The following STKLD1 variants were observed in gnomAD, a reference collection of about 807,000 sequenced individuals.
STKLD1 encodes the protein serine/threonine kinase-like domain-containing protein STKLD1.
In STKLD1, 79 loss-of-function variants were observed where a neutral mutation model predicts 80.4. The observed-to-expected ratio is 0.98, with a 90% CI of 0.82 to 1.19. The LOEUF (loss-of-function observed/expected upper bound fraction) is 1.19. Ranked by LOEUF, STKLD1 falls within the 50% of genes most tolerant of loss-of-function variation. The probability of loss-of-function intolerance (pLI) is 0.00; values close to 1 mark genes in which losing one functional copy is unlikely to be tolerated. For synonymous variants in STKLD1, 393 were observed against 357.6 expected (o/e 1.10, Z -1.12); for missense variants, 841 against 856.0 (o/e 0.98, Z 0.22).
chr9:133,392,252 A>AT (rs1033302122), intron 7 of STKLD1, among the ~76,000 whole-genome samples: 23 of 151,012 alleles, frequency 1.5e-4, no homozygotes, highest in South Asian at 2.1e-4. Context: ...AATTTTTTGT[A>AT]TTTTTTTTAG....
Position 133,379,082 on chromosome 9 carries a change from T to C in STKLD1, c.134T>C (p.Val45Ala). Residue 45 changes from valine to alanine, a missense_variant, in exon 2 of 18, where the codon GTG (valine) becomes GCG (alanine). Physicochemically the swap from Val to Ala is moderately conservative, Grantham distance 64 (BLOSUM62 0). Transcript: ENST00000371957. ...NPGALGVNLV[V>A]EEMETKVKHV... ...GGGGCCTTGGGGGTGAACCTGGTGGTGGAGGAAATGGAAACCAAAGTCAAG... is the reference window on the plus strand; with the variant it reads ...GGGGCCTTGGGGGTGAACCTGGTGGCGGAGGAAATGGAAACCAAAGTCAAG... 1 of 1,613,912 alleles carries C rather than the reference T, an allele frequency of 6.2e-7. No homozygotes were observed. The highest frequency in any genetic ancestry group is 8.5e-7 in the Non-Finnish European group (1 of 1,179,898).
intron 11 of STKLD1, among the ~76,000 whole-genome samples, chr9:133,398,934 C>A (rs1354197273): frequency 6.6e-6 from 1 of 152,148 alleles, no homozygotes; most frequent in African/African-American, 2.4e-5. Flanking sequence ...CTCACTGCAA[C>A]CTCCGCCTCC....
chr9:133,396,507 A>C (rs1293279115), intron 9 of STKLD1, among the ~76,000 whole-genome samples: 2 of 152,154 alleles, frequency 1.3e-5, no homozygotes, highest in Non-Finnish European at 2.9e-5. Context: ...TAATCCCAGC[A>C]GTTTGGGAGG....
At position 133,405,364 on chromosome 9, in the gene STKLD1, C is replaced by T. The variant is rs1564387380; in HGVS notation, c.1986C>T (p.Gly662=). The change falls in exon 18 of 18, where the codon GGC becomes GGT. Residue 662 remains glycine (G), a synonymous_variant. Transcript: ENST00000371957. ...VSDSSAFSKP[G]LPPGGSPQLG... Reference sequence around the variant, plus strand: ...ACAGCAGCGCCTTCAGCAAACCAGGCCTCCCTCCAGGTGGAAGCCCCCAGC... The same window carrying T: ...ACAGCAGCGCCTTCAGCAAACCAGGTCTCCCTCCAGGTGGAAGCCCCCAGC... 5.0e-6 allele frequency: 8 copies of T among 1,612,484 alleles called. No individual in the cohort carries two copies. The highest frequency in any genetic ancestry group is 1.7e-4 in the Middle Eastern group (1 of 6,016).
intron 16 of STKLD1, among the ~76,000 whole-genome samples, chr9:133,404,582 G>C (rs781890295): frequency 8.5e-4 from 130 of 152,254 alleles, no homozygotes; most frequent in Non-Finnish European, 1.3e-3. Context: ...TTTGGCTCTG[G>C]GGGGGCTGCC....
rs1838519335 is a variant in STKLD1 at position 133,394,915 on chromosome 9, G to A, written c.702+506G>A. ...ATGGCCACAGCCTGTGGGCAGGAAG[G>A]AGGGGAGGCAGAGGGCCCCACTGGC... On this transcript the variant is annotated intron_variant, in intron 8 of 17. Transcript: ENST00000371957. The surrounding 1 kb of genome is among the most constrained non-coding windows in gnomAD (Gnocchi z 4.9). 1 of 158,340 alleles carries A rather than the reference G, an allele frequency of 6.3e-6. No individual in the cohort carries two copies. Among genetic ancestry groups the A allele is most frequent in the Non-Finnish European group, 1.4e-5 (1 of 71,640 alleles). 9.8% of individuals were successfully genotyped at this position (158,340 alleles called of 1,614,324 possible).
Position 133,402,994 on chromosome 9 carries a change from TGGGCCCTCCTGCTGGACGGTGAG to T in STKLD1, c.1467_1474+15del, listed in dbSNP as rs781970598. On this transcript the variant is annotated splice_donor_variant and splice_donor_5th_base_variant and coding_sequence_variant and intron_variant, in exon 14 of 18. Coordinates refer to ENST00000371957, the MANE Select transcript of STKLD1 (RefSeq NM_153710.5). LOFTEE classifies it high-confidence loss of function. ...CTGCGCCAGCGGCCTGGGCCTGCTC[TGGGCCCTCCTGCTGGACGGTGAG>T]GGGCCCTCCTCCTGCTGTCCCACCG... 179 of 1,572,364 alleles carry T rather than the reference TGGGCCCTCCTGCTGGACGGTGAG, an allele frequency of 1.1e-4. No individual in the cohort carries two copies. In the South Asian group the frequency reaches 1.2e-3, roughly 11 times the overall value.
chr9:133,383,775 CGTT>C, intron 2 of STKLD1, 78 bp from the exon 3 acceptor site: 1 of 1,341,004 alleles, frequency 7.5e-7, no homozygotes, highest in Non-Finnish European at 1.1e-6. Context: ...TGGTAATGGT[CGTT>C]GTGGTGGTGG....
Position 133,403,017 on chromosome 9 carries a change from G to A in STKLD1, c.1474+5G>A. 2 of 1,561,844 alleles carry A rather than the reference G, an allele frequency of 1.3e-6. No individual in the cohort carries two copies. Among genetic ancestry groups the A allele is most frequent in the Non-Finnish European group, 1.7e-6 (2 of 1,153,168 alleles). ...TCTGGGCCCTCCTGCTGGACGGTGA[G>A]GGGCCCTCCTCCTGCTGTCCCACCG... On this transcript the variant is annotated splice_donor_5th_base_variant and intron_variant, in intron 14 of 17. Transcript: ENST00000371957.
intron 14 of STKLD1, 75 bp from the exon 15 acceptor site, chr9:133,403,625 A>C: frequency 6.5e-7 from 1 of 1,541,680 alleles, no homozygotes; most frequent in Middle Eastern, 1.7e-4. Flanking sequence ...GGAAGGCAGC[A>C]GATGGGGGAT....
At chr9:133,383,322 G>A (rs1838189541) in intron 2 of STKLD1, among the ~76,000 whole-genome samples, 1 of 2,996 alleles carries the variant, frequency 3.3e-4, no homozygotes, top group Non-Finnish European at 1.0e-3. Context: ...GTGGTGTGAT[G>A]ATGGTGGTGA....
At chr9:133,379,960 G>T (rs1315360131) in intron 2 of STKLD1, among the ~76,000 whole-genome samples, 1 of 152,218 alleles carries the variant, frequency 6.6e-6, no homozygotes, top group Non-Finnish European at 1.5e-5. Context: ...TCCCTTGCTG[G>T]CTGGCTGTGG....
intron 5 of STKLD1, among the ~76,000 whole-genome samples, chr9:133,388,249 G>C (rs2130282017): frequency 7.5e-4 from 114 of 152,048 alleles, no homozygotes; most frequent in Admixed American, 1.4e-3. Flanking sequence ...TGTCAGTCTT[G>C]TTGTTGTTGT....
At position 133,400,508 on chromosome 9, in the gene STKLD1, C is replaced by G. The variant is rs1162346686; in HGVS notation, c.1177C>G (p.Leu393Val). 1.2e-6 allele frequency: 2 copies of G among 1,612,914 alleles called. No homozygotes were observed. The highest frequency in any genetic ancestry group is 1.7e-6 in the Non-Finnish European group (2 of 1,179,894). ...LDVQLCACSL[L>V]LHLLGQALVH... Reference sequence around the variant, plus strand: ...TGTCCAGCTGTGTGCCTGCTCCCTGCTGCTGCACCTCCTGGGCCAAGGTGG... The same window carrying G: ...TGTCCAGCTGTGTGCCTGCTCCCTGGTGCTGCACCTCCTGGGCCAAGGTGG... The change falls in exon 12 of 18, where the codon CTG becomes GTG. Residue 393 changes from leucine (L) to valine (V), a missense_variant. Transcript: ENST00000371957.
rs1838358140 is a variant in STKLD1, at chr9:133,390,244, CA to C, written c.468-436del. Among the ~76,000 whole-genome samples, 10 of 112,744 alleles carry C rather than the reference CA, an allele frequency of 8.9e-5. No homozygotes were observed. The highest frequency in any genetic ancestry group is 3.9e-5 in the African/African-American group (1 of 25,324). The allele number at this position is 112,744 out of a possible 152,430, so 74.0% of individuals were successfully genotyped here. ...ACACACACACACACACACACACACACACACACACCACGCAGACCATACGTAC... is the reference window on the plus strand; with the variant it reads ...ACACACACACACACACACACACACACCACACACCACGCAGACCATACGTAC... On this transcript the variant is annotated intron_variant, in intron 6 of 17. Transcript: ENST00000371957. This position sits in a 1 kb window ranked among gnomAD's most constrained non-coding sequence, Gnocchi z 5.1.
rs1421787155 is a variant in STKLD1, at chr9:133,389,291, G to C, written c.397-235G>C. On this transcript the variant is annotated intron_variant, in intron 5 of 17. Coordinates refer to ENST00000371957, the MANE Select transcript of STKLD1 (RefSeq NM_153710.5). This position sits in a 1 kb window ranked among gnomAD's most constrained non-coding sequence, Gnocchi z 6.4. ...CAGCACCCAGGGTCTCTGGTATGGA[G>C]ACAGCAGTGTGGAGTCTGGAAACTC... The C allele has an allele frequency of 2.0e-6, 2 of 985,210 alleles. No homozygotes were observed. Among genetic ancestry groups the C allele is most frequent in the East Asian group, 1.1e-4 (1 of 8,804 alleles). 61.0% of individuals were successfully genotyped at this position (985,210 alleles called of 1,614,324 possible). A position where few individuals can be genotyped will look rare whatever the true frequency, so the allele number is the denominator to read the frequency against.
chr9:133,391,173 TC>T (rs923044198), intron 7 of STKLD1, among the ~76,000 whole-genome samples: 1 of 150,062 alleles, frequency 6.7e-6, no homozygotes, highest in Non-Finnish European at 1.5e-5. Flanking sequence ...AGCCGCCCCG[TC>T]CGGGAGGGAG....
chr9:133,394,390 C>T lies in STKLD1; in HGVS notation c.683C>T (p.Thr228Ile). ...WSLGCIILDM[T>I]SCSFMDGTEA... is the part of the protein sequence containing the mutation. ...CTGGGCTGCATCATTCTGGACATGACCAGCTGCTCCTTCATGGATGTGAGC... is the reference window on the plus strand; with the variant it reads ...CTGGGCTGCATCATTCTGGACATGATCAGCTGCTCCTTCATGGATGTGAGC... The change falls in exon 8 of 18, where the codon ACC becomes ATC. Residue 228 changes from threonine (T) to isoleucine (I), a missense_variant. Coordinates refer to ENST00000371957, the MANE Select transcript of STKLD1 (RefSeq NM_153710.5). This position sits in a 1 kb window ranked among gnomAD's most constrained non-coding sequence, Gnocchi z 4.9. 5 of 1,613,174 alleles carry T rather than the reference C, an allele frequency of 3.1e-6. No homozygotes were observed. Among genetic ancestry groups the T allele is most frequent in the African/African-American group, 1.3e-5 (1 of 75,018 alleles).
intron 2 of STKLD1, 107 bp from the exon 3 acceptor site, chr9:133,383,749 G>A: frequency 4.0e-6 from 4 of 997,926 alleles, no homozygotes; most frequent in Non-Finnish European, 6.4e-6. Flanking sequence ...GGTGGAGGTG[G>A]TGGCTGTGCA....
Sources: gnomAD v4.1 joint callset for allele counts (sites outside exome capture counted in the v4.1 genomes callset) on GRCh38, gnomAD v4.1.1 for gene constraint, Gnocchi (gnomAD v3.1) non-coding constraint, MANE v1.5 for transcripts, NCBI Gene and HGNC (gene_info 2026-07-23, HGNC 2026-07-21) for gene names.